GRIK2: variants seen among roughly 807,000 people sequenced by gnomAD.
GRIK2 encodes glutamate ionotropic receptor kainate type subunit 2, also known as glutamate receptor ionotropic, kainate 2.
In GRIK2, 32 loss-of-function variants were observed where a neutral mutation model predicts 100.3. That is an observed-to-expected ratio of 0.32 (90% CI 0.24 to 0.43). The LOEUF is 0.43. GRIK2 is among the 20% of genes least tolerant of loss of function. The pLI, the probability that GRIK2 is intolerant of heterozygous loss-of-function variation, is 1.00. For missense variants in GRIK2, 843 were observed against 1,114.9 expected (o/e 0.76, Z 3.47); for synonymous variants, 417 against 389.4 (o/e 1.07, Z -0.83).
intron 14 of GRIK2, among the ~76,000 whole-genome samples, chr6:101,948,983 T>TAA: frequency 6.6e-6 from 1 of 152,188 alleles, no homozygotes; most frequent in East Asian, 1.9e-4. Flanking sequence ...CACCCACTGT[T>TAA]TAAATTTGTG....
intron 2 of GRIK2, among the ~76,000 whole-genome samples, chr6:101,568,944 T>A (rs1040467880): frequency 6.6e-6 from 1 of 151,954 alleles, no homozygotes; most frequent in Non-Finnish European, 1.5e-5. Flanking sequence ...TAAACTTGCC[T>A]GGAGTCCTGT....
intron 14 of GRIK2, among the ~76,000 whole-genome samples, chr6:102,025,827 T>G (rs1251700314): frequency 6.6e-6 from 1 of 150,972 alleles, no homozygotes; most frequent in Non-Finnish European, 1.5e-5. Context: ...TCAATATATA[T>G]TAGAATGATA....
chr6:101,938,658 ATAAT>A, intron 14 of GRIK2, among the ~76,000 whole-genome samples: 1 of 152,092 alleles, frequency 6.6e-6, no homozygotes. Flanking sequence ...AAGTACTTTA[ATAAT>A]TTTATAAATA....
At chr6:101,758,116 G>A (rs1319147514) in intron 7 of GRIK2, among the ~76,000 whole-genome samples, 2 of 152,114 alleles carry the variant, frequency 1.3e-5, no homozygotes, top group Non-Finnish European at 2.9e-5. Context: ...CCAGCTACTT[G>A]GGAGGCTGAG....
intron 2 of GRIK2, among the ~76,000 whole-genome samples, chr6:101,596,961 T>C (rs1231080075): frequency 6.6e-6 from 1 of 151,776 alleles, no homozygotes; most frequent in Non-Finnish European, 1.5e-5. Context: ...ACAGCAGTAT[T>C]CACAATAGCA....
At chr6:101,805,117 CT>C (rs1045674618) in intron 9 of GRIK2, among the ~76,000 whole-genome samples, 4 of 151,786 alleles carry the variant, frequency 2.6e-5, no homozygotes, top group Non-Finnish European at 5.9e-5. Context: ...ATTGACTTGA[CT>C]TTTTTTCTGC....
chr6:101,896,894 T>C (rs1787481566), intron 12 of GRIK2, among the ~76,000 whole-genome samples: 1 of 151,524 alleles, frequency 6.6e-6, no homozygotes, highest in Non-Finnish European at 1.5e-5. Flanking sequence ...AAACTCAGAG[T>C]GCTAAAACTT....
intron 2 of GRIK2, among the ~76,000 whole-genome samples, chr6:101,454,187 C>T (rs759706087): frequency 1.8e-4 from 28 of 152,040 alleles, no homozygotes; most frequent in African/African-American, 6.8e-4. Context: ...ATCAACTGAC[C>T]ATTTGGAGCA....
chr6:101,719,138 G>GTTTTTTTTTTTTTTTT (rs60301711), intron 7 of GRIK2, among the ~76,000 whole-genome samples: 7 of 101,168 alleles, frequency 6.9e-5, no homozygotes, highest in African/African-American at 3.5e-4. Flanking sequence ...GGCTGCAAGG[G>GTTTTTTTTTTTTTTTT]TTTTTTTTTT....
chr6:101,563,328 A>G (rs964539631), intron 2 of GRIK2, among the ~76,000 whole-genome samples: 3 of 152,192 alleles, frequency 2.0e-5, no homozygotes, highest in African/African-American at 4.8e-5. Flanking sequence ...CAGAAAATAT[A>G]TATTTTTTCA....
At chr6:101,530,536 T>A (rs1470434011) in intron 2 of GRIK2, among the ~76,000 whole-genome samples, 2 of 134,876 alleles carry the variant, frequency 1.5e-5, no homozygotes, top group East Asian at 4.3e-4. Flanking sequence ...GGTGGATACA[T>A]ATGGATGAAA....
chr6:102,043,594 T>A (rs989845808), intron 15 of GRIK2, among the ~76,000 whole-genome samples: 5 of 151,986 alleles, frequency 3.3e-5, no homozygotes, highest in African/African-American at 7.2e-5. Flanking sequence ...AATTTCATTA[T>A]TTTTTAGGGC....
chr6:101,628,627 G>A (rs1780569094), intron 4 of GRIK2, among the ~76,000 whole-genome samples: 1 of 151,994 alleles, frequency 6.6e-6, no homozygotes, highest in South Asian at 2.1e-4. Context: ...GTCCACTTAT[G>A]TTTATGGATG....
Position 102,035,330 on chromosome 6 carries a change from A to C in GRIK2, c.2086-11A>C. 1 of 1,527,714 alleles carries C rather than the reference A, an allele frequency of 6.5e-7. No individual in the cohort carries two copies. Among genetic ancestry groups the C allele is most frequent in the South Asian group, 1.1e-5 (1 of 88,908 alleles). 94.6% of individuals were successfully genotyped at this position (1,527,714 alleles called of 1,614,324 possible). ...ACTTTCTCGTGACCAACTTATATTTATTTTCTTCAGAAATCAAAAATCTCC... is the reference window on the plus strand; with the variant it reads ...ACTTTCTCGTGACCAACTTATATTTCTTTTCTTCAGAAATCAAAAATCTCC... On this transcript the variant is annotated splice_polypyrimidine_tract_variant and intron_variant, in intron 14 of 16. Coordinates refer to ENST00000369134, the MANE Select transcript of GRIK2 (RefSeq NM_021956.5).
intron 2 of GRIK2, among the ~76,000 whole-genome samples, chr6:101,549,671 C>T (rs535387695): frequency 2.0e-5 from 3 of 152,104 alleles, no homozygotes; most frequent in South Asian, 4.2e-4. Flanking sequence ...CATCAAAATG[C>T]TAGGGTAAGA....
Position 101,781,146 on chromosome 6 carries a change from G to T in GRIK2, c.952-18502G>T, listed in dbSNP as rs116018988. On this transcript the variant is annotated intron_variant, in intron 7 of 16. Transcript: ENST00000369134. Reference sequence around the variant, plus strand: ...TTTCAGTTATCTTTTTCTAGGCATTGTTGGGCCTCTATGTAATTCCATACT... The same window carrying T: ...TTTCAGTTATCTTTTTCTAGGCATTTTTGGGCCTCTATGTAATTCCATACT... Among the ~76,000 whole-genome samples, 1,280 of 151,954 alleles carry T rather than the reference G, an allele frequency of 8.4e-3. 15 individuals carry two copies. The highest frequency in any genetic ancestry group is 0.029 in the African/African-American group (1,195 of 41,436).
intron 2 of GRIK2, among the ~76,000 whole-genome samples, chr6:101,580,277 G>GT (rs1778013422): frequency 1.3e-5 from 2 of 152,008 alleles, no homozygotes; most frequent in African/African-American, 2.4e-5. Context: ...TTGTTGGTTG[G>GT]TTTTTTTGGA....
chr6:101,417,093 G>C (rs962682761), intron 2 of GRIK2, among the ~76,000 whole-genome samples: 1 of 152,204 alleles, frequency 6.6e-6, no homozygotes, highest in Non-Finnish European at 1.5e-5. Context: ...CAATCATGGC[G>C]GAAGTTGAAG....
intron 11 of GRIK2, among the ~76,000 whole-genome samples, chr6:101,859,729 A>T (rs1050700067): frequency 2.0e-5 from 3 of 152,184 alleles, no homozygotes; most frequent in Non-Finnish European, 4.4e-5. Context: ...GAGATGGAAC[A>T]TTATCTCTCT....
Sources: gnomAD v4.1 joint callset for allele counts (sites outside exome capture counted in the v4.1 genomes callset) on GRCh38, gnomAD v4.1.1 for gene constraint, MANE v1.5 for transcripts, NCBI Gene and HGNC (gene_info 2026-07-23, HGNC 2026-07-21) for gene names.